SRPK3: variants seen among roughly 807,000 people sequenced by gnomAD.
SRPK3 encodes the protein SFRS protein kinase 3.
In SRPK3, 26 loss-of-function variants were observed where a neutral mutation model predicts 45.3. That is an observed-to-expected ratio of 0.57 (90% CI 0.42 to 0.80). The LOEUF is 0.80. Among genes scored for constraint, SRPK3 ranks in the 30% least tolerant of loss-of-function variants. The pLI, the probability that SRPK3 is intolerant of heterozygous loss-of-function variation, is 0.00. For synonymous variants in SRPK3, 254 were observed against 226.6 expected (o/e 1.12, Z -1.09); for missense variants, 536 against 514.5 (o/e 1.04, Z -0.40).
chrX:153,781,811 A>T lies in SRPK3; in HGVS notation c.368A>T (p.Glu123Val), dbSNP rs782362743. 1 of 1,211,480 alleles carries T rather than the reference A, an allele frequency of 8.3e-7. No homozygotes were observed. The highest frequency in any genetic ancestry group is 1.1e-6 in the Non-Finnish European group (1 of 895,460). ...CATTACACGGAGACAGCTGTGGATG[A>T]GATCAAGCTCCTGAAATGTGTGAGG... ...AGHYTETAVD[E>V]IKLLKCVRDS... The change falls in exon 4 of 15, where the codon GAG becomes GTG. Residue 123 changes from glutamate to valine, a missense_variant. By Grantham distance (121) the Glu-to-Val change is moderately radical. Coordinates refer to ENST00000370101, the MANE Select transcript of SRPK3 (RefSeq NM_014370.4).
Position 153,785,529 on chromosome X carries a change from G to A in SRPK3, c.*9G>A, listed in dbSNP as rs1802092. The A allele has an allele frequency of 0.21, 255,657 of 1,197,430 alleles. 24,249 individuals carry two copies. The highest frequency in any genetic ancestry group is 0.61 in the East Asian group (20,296 of 33,384). On this transcript the variant is annotated 3_prime_UTR_variant, in exon 15 of 15. Coordinates refer to ENST00000370101, the MANE Select transcript of SRPK3 (RefSeq NM_014370.4). ...CCTGGCTCAACCCCTAGGCCCGGCTGTGGCTCCACCTCCAGCTCTCCGTGC... is the reference window on the plus strand; with the variant it reads ...CCTGGCTCAACCCCTAGGCCCGGCTATGGCTCCACCTCCAGCTCTCCGTGC...
At chrX:153,785,238 T>G in intron 14 of SRPK3, 65 bp downstream of exon 14, 1 of 1,181,665 alleles carries the variant, frequency 8.5e-7, no homozygotes, top group Non-Finnish European at 1.1e-6. Context: ...CCTTGGATTC[T>G]GCAACAGAGG....
rs782122427 is a variant in SRPK3 at position 153,783,891 on chromosome X, G to A, written c.907+7G>A. On this transcript the variant is annotated splice_region_variant and intron_variant, in intron 9 of 14. Coordinates refer to ENST00000370101, the MANE Select transcript of SRPK3 (RefSeq NM_014370.4). The stretch of plus-strand genomic sequence containing the variant: ...GCTGCCACCCAGGCTGAGGGTGAGG[G>A]GCCACAGAGGGTGATGGGCCGTGGA... The A allele has an allele frequency of 4.2e-6, 5 of 1,187,202 alleles. No homozygotes were observed. In the African/African-American group the frequency reaches 7.0e-5, roughly 17 times the overall value.
At position 153,785,655 on chromosome X, in the gene SRPK3, G is replaced by A. The variant is rs972664755; in HGVS notation, c.*135G>A. 6.0e-5 allele frequency: 54 copies of A among 898,525 alleles called. No individual in the cohort carries two copies. The African/African-American group carries it at 8.9e-4, about 15-fold the overall frequency. 74.0% of individuals were successfully genotyped at this position (898,525 alleles called of 1,213,427 possible). A position where few individuals can be genotyped will look rare whatever the true frequency, so the allele number is the denominator to read the frequency against. On this transcript the variant is annotated 3_prime_UTR_variant, in exon 15 of 15. Coordinates refer to ENST00000370101, the MANE Select transcript of SRPK3 (RefSeq NM_014370.4). ...TGGAGCCAGGCCCGGCTCTCAGAGC[G>A]TGTTCTGCCTGAGACCCCCGTGAGG...
chrX:153,783,182 G>T (rs782016592), intron 7 of SRPK3, 44 bp from the exon 8 acceptor site: 1 of 1,081,302 alleles, frequency 9.2e-7, no homozygotes, highest in South Asian at 2.0e-5. Flanking sequence ...CTGAGTCTCT[G>T]TTCCTCCCTG....
At position 153,781,628 on chromosome X, in the gene SRPK3, C is replaced by A. The variant is rs372174370; in HGVS notation, c.299+15C>A. The A allele has an allele frequency of 8.3e-7, 1 of 1,205,742 alleles. No individual in the cohort carries two copies. The highest frequency in any genetic ancestry group is 1.1e-6 in the Non-Finnish European group (1 of 891,767). ...TGGGACATCCAGTGAGTGCCTCCTT[C>A]GCCTCCGGGGCCCAGCACTGGCTGG... On this transcript the variant is annotated intron_variant, in intron 3 of 14. Coordinates refer to ENST00000370101, the MANE Select transcript of SRPK3 (RefSeq NM_014370.4).
In SRPK3 at chrX:153,785,649, C is replaced by T. The variant is rs782340467; in HGVS notation, c.*129C>T. The T allele has an allele frequency of 9.8e-5, 91 of 928,893 alleles. No individual in the cohort carries two copies. The highest frequency in any genetic ancestry group is 6.0e-4 in the South Asian group (25 of 42,009). The allele number at this position is 928,893 out of a possible 1,213,427, so 76.6% of individuals were successfully genotyped here. A position where few individuals can be genotyped will look rare whatever the true frequency, so the allele number is the denominator to read the frequency against. On this transcript the variant is annotated 3_prime_UTR_variant, in exon 15 of 15. Coordinates refer to ENST00000370101, the MANE Select transcript of SRPK3 (RefSeq NM_014370.4). ...AGACGCTGGAGCCAGGCCCGGCTCT[C>T]AGAGCGTGTTCTGCCTGAGACCCCC... is the stretch of plus-strand genomic sequence containing the variant.
chrX:153,781,525 A>G lies in SRPK3; in HGVS notation c.211A>G (p.Ile71Val). Reference protein sequence around the residue: ...YCKGGYHPVKIGDVFNGRYHV... With the variant: ...YCKGGYHPVKVGDVFNGRYHV... ...GGCAGGCGGCTACCACCCTGTGAAGATCGGCGACGTGTTCAATGGGCGGTA... is the reference window on the plus strand; with the variant it reads ...GGCAGGCGGCTACCACCCTGTGAAGGTCGGCGACGTGTTCAATGGGCGGTA... Residue 71 changes from isoleucine (I) to valine (V), a missense_variant, in exon 3 of 15, where the codon ATC (isoleucine) becomes GTC (valine). Coordinates refer to ENST00000370101, the MANE Select transcript of SRPK3 (RefSeq NM_014370.4). 8.3e-7 allele frequency: 1 copy of G among 1,210,116 alleles called. No individual in the cohort carries two copies. Among genetic ancestry groups the G allele is most frequent in the Non-Finnish European group, 1.1e-6 (1 of 895,041 alleles).
rs200265045 is a variant in SRPK3, at chrX:153,785,154, G to C, written c.1500G>C (p.Arg500=). ...PAFALSGRYS[R]EFFNRRGELR... is the part of the protein sequence containing the mutation. ...TCGCCCTCTCAGGCCGCTATTCCCGGGAGTTCTTCAACCGGAGAGGTGAGG... is the reference window on the plus strand; with the variant it reads ...TCGCCCTCTCAGGCCGCTATTCCCGCGAGTTCTTCAACCGGAGAGGTGAGG... The change falls in exon 14 of 15, where the codon CGG becomes CGC. Residue 500 remains arginine, a synonymous_variant. Coordinates refer to ENST00000370101, the MANE Select transcript of SRPK3 (RefSeq NM_014370.4). 1 of 1,208,836 alleles carries C rather than the reference G, an allele frequency of 8.3e-7. No homozygotes were observed. Among genetic ancestry groups the C allele is most frequent in the Non-Finnish European group, 1.1e-6 (1 of 894,795 alleles).
chrX:153,785,265 G>A (rs2092079691), intron 14 of SRPK3, 71 bp from the exon 15 acceptor site: 10 of 1,183,738 alleles, frequency 8.4e-6, no homozygotes, highest in Admixed American at 2.3e-5. Context: ...TGGGTCCCAG[G>A]AGCCAGGGCC....
At chrX:153,784,640 C>T (rs960662554) in intron 11 of SRPK3, 110 bp from the exon 12 acceptor site, 10 of 981,521 alleles carry the variant, frequency 1.0e-5, no homozygotes, top group Non-Finnish European at 9.9e-6. Flanking sequence ...CCGAGGCTCA[C>T]AGCAAACCCC....
chrX:153,781,717 A>G lies in SRPK3; in HGVS notation c.300-26A>G, dbSNP rs782262234. On this transcript the variant is annotated intron_variant, in intron 3 of 14. Transcript: ENST00000370101. Reference sequence around the variant, plus strand: ...CCGCCGTGGGTCCTGCCAGGGCCACAGCCTACAAGGGTCTCGGTATTGCAG... The same window carrying G: ...CCGCCGTGGGTCCTGCCAGGGCCACGGCCTACAAGGGTCTCGGTATTGCAG... The G allele has an allele frequency of 3.3e-6, 4 of 1,207,315 alleles. No individual in the cohort carries two copies. In the African/African-American group the frequency reaches 7.0e-5, roughly 21 times the overall value.
rs2092051062 is a variant in SRPK3 at position 153,781,428 on chromosome X, G to A, written c.191-77G>A. ...GTCCTGGGCCCACATGGGCCAGATG[G>A]TCAATGGGGCCGAGGTGTTCGGGGG... On this transcript the variant is annotated intron_variant, in intron 2 of 14. Transcript: ENST00000370101. 3 of 1,175,121 alleles carry A rather than the reference G, an allele frequency of 2.6e-6. No homozygotes were observed. The Admixed American group carries it at 7.0e-5, about 28-fold the overall frequency.
chrX:153,783,705 G>C (rs782158254), intron 8 of SRPK3, 47 bp from the exon 9 acceptor site: 1 of 1,203,547 alleles, frequency 8.3e-7, no homozygotes, highest in East Asian at 3.0e-5. Flanking sequence ...ACTTCATGCT[G>C]ACTGGGGCGG....
In SRPK3 at chrX:153,781,444, T is replaced by C. The variant is rs1357516864; in HGVS notation, c.191-61T>C. On this transcript the variant is annotated intron_variant, in intron 2 of 14. Coordinates refer to ENST00000370101, the MANE Select transcript of SRPK3 (RefSeq NM_014370.4). The stretch of plus-strand genomic sequence containing the variant: ...GGCCAGATGGTCAATGGGGCCGAGG[T>C]GTTCGGGGGCCCAGGGGAGTGAGAA... 3.4e-6 allele frequency: 4 copies of C among 1,176,670 alleles called. No homozygotes were observed. In the African/African-American group the frequency reaches 7.1e-5, roughly 21 times the overall value.
At chrX:153,782,585 C>T (rs1156480515) in intron 5 of SRPK3, among the ~76,000 whole-genome samples, 187 bp from the exon 6 acceptor site, 1 of 113,386 alleles carries the variant, frequency 8.8e-6, no homozygotes, top group African/African-American at 3.2e-5. Context: ...TCCCAACTGG[C>T]ATACCTGTTG....
intron 4 of SRPK3, 130 bp from the exon 5 acceptor site, chrX:153,781,991 G>A (rs1186003493): frequency 7.1e-6 from 6 of 849,332 alleles, no homozygotes; most frequent in South Asian, 6.8e-5. Flanking sequence ...AGGAACAGGC[G>A]AGGGACAGGA....
Position 153,783,612 on chromosome X carries a change from G to C in SRPK3, c.775-140G>C, listed in dbSNP as rs1367692477. On this transcript the variant is annotated intron_variant, in intron 8 of 14. Transcript: ENST00000370101. Reference sequence around the variant, plus strand: ...AGTAGTGAGTAGCTGGTGCCAAGGGGCGCTGGCGCCACATTCTGGTGTCCA... The same window carrying C: ...AGTAGTGAGTAGCTGGTGCCAAGGGCCGCTGGCGCCACATTCTGGTGTCCA... 2.0e-5 allele frequency: 20 copies of C among 1,005,251 alleles called. No homozygotes were observed. In the African/African-American group the frequency reaches 3.6e-4, roughly 18 times the overall value. The allele number at this position is 1,005,251 out of a possible 1,213,427, so 82.8% of individuals were successfully genotyped here.
At position 153,784,850 on chromosome X, in the gene SRPK3, C is replaced by G; in HGVS notation, c.1349C>G (p.Ala450Gly). 1 of 1,211,306 alleles carries G rather than the reference C, an allele frequency of 8.3e-7. No homozygotes were observed. ...YGPPADIWST[A>G]CMAFELATGD... ...CCCCCGGCAGACATCTGGAGCACAG[C>G]CTGCATGGTACGCCCGCCCGGGCTG... Residue 450 changes from alanine to glycine, a missense_variant, in exon 12 of 15, where the codon GCC becomes GGC. By Grantham distance (60) the Ala-to-Gly change is moderately conservative. Transcript: ENST00000370101.
Sources: allele counts gnomAD v4.1 joint callset (sites outside exome capture counted in the v4.1 genomes callset), GRCh38; gene constraint gnomAD v4.1.1; transcripts MANE v1.5; gene names NCBI Gene and HGNC (gene_info 2026-07-23, HGNC 2026-07-21).